Variants in SV2C observed in about 807,000 individuals in gnomAD.
SV2C encodes the protein solute carrier family 22 member B3.
SV2C carries 49 observed loss-of-function variants against 79.7 expected under a neutral mutation model. That is an observed-to-expected ratio of 0.61 (90% confidence interval 0.49 to 0.78). The LOEUF is 0.78. Ranked by LOEUF, SV2C falls within the 30% of genes least tolerant of loss-of-function variation. The probability of loss-of-function intolerance (pLI) is 0.00; values close to 1 mark genes in which losing one functional copy is unlikely to be tolerated. For synonymous variants in SV2C, 334 were observed against 333.2 expected, an observed-to-expected ratio of 1.00 and a Z score of -0.03; for missense variants, 833 against 912.9, an observed-to-expected ratio of 0.91 and a Z score of 1.13.
intron 1 of SV2C, among the ~76,000 whole-genome samples, chr5:76,093,455 T>C (rs1747444589): frequency 6.6e-6 from 1 of 152,202 alleles, no homozygotes; most frequent in Non-Finnish European, 1.5e-5. Context: ...ATTGCACACT[T>C]AGCCATTGGC....
intron 12 of SV2C, among the ~76,000 whole-genome samples, chr5:76,346,831 C>CCTT (rs949805781): frequency 1.3e-5 from 2 of 152,206 alleles, no homozygotes; most frequent in African/African-American, 4.8e-5. Flanking sequence ...CTGGCGCCTC[C>CCTT]CTTCCCACCA....
intron 1 of SV2C, among the ~76,000 whole-genome samples, chr5:76,118,613 G>A (rs57087456): frequency 0.046 from 7,068 of 152,052 alleles, 542 homozygotes; most frequent in African/African-American, 0.16. Context: ...AAGGAAATAG[G>A]GGCTTTTCTA....
At chr5:75,941,183 A>T in the SV2C span, among the ~76,000 whole-genome samples, 1 of 152,198 alleles carries the variant, frequency 6.6e-6, no homozygotes, top group African/African-American at 2.4e-5. Context: ...GAAAAAATAA[A>T]GAAAAAAGAA....
the SV2C span, among the ~76,000 whole-genome samples, chr5:76,000,213 T>A: frequency 3.3e-5 from 5 of 152,124 alleles, no homozygotes; most frequent in African/African-American, 1.2e-4. Flanking sequence ...TTTGAGACAT[T>A]TAACTTCAAC....
chr5:76,157,828 G>T (rs1358547379), intron 2 of SV2C, among the ~76,000 whole-genome samples: 1 of 151,662 alleles, frequency 6.6e-6, no homozygotes, highest in African/African-American at 2.4e-5. Flanking sequence ...GTTATATAAT[G>T]TAATAATTAA....
At chr5:75,880,154 G>A in the SV2C span, among the ~76,000 whole-genome samples, 1 of 151,536 alleles carries the variant, frequency 6.6e-6, no homozygotes, top group Non-Finnish European at 1.5e-5. Flanking sequence ...GGGAGGGGCT[G>A]CCTCAGAGAT....
the SV2C span, among the ~76,000 whole-genome samples, chr5:76,009,429 C>A: frequency 6.6e-6 from 1 of 152,120 alleles, no homozygotes; most frequent in Non-Finnish European, 1.5e-5. Context: ...CAGAAGAAAA[C>A]AAATAGTTCT....
At chr5:76,222,205 G>A (rs907241829) in intron 4 of SV2C, among the ~76,000 whole-genome samples, 3 of 152,256 alleles carry the variant, frequency 2.0e-5, no homozygotes, top group Admixed American at 6.5e-5. Context: ...ACACAAAAGC[G>A]TATGCATGGT....
At chr5:76,169,272 A>G (rs1376733922) in intron 2 of SV2C, among the ~76,000 whole-genome samples, 1 of 152,192 alleles carries the variant, frequency 6.6e-6, no homozygotes, top group Non-Finnish European at 1.5e-5. Context: ...TCCAATTTCC[A>G]GAATCACTGT....
intron 2 of SV2C, among the ~76,000 whole-genome samples, chr5:76,168,315 G>C (rs1041839774): frequency 1.3e-5 from 2 of 152,062 alleles, no homozygotes; most frequent in Non-Finnish European, 2.9e-5. Flanking sequence ...TCTAATGCTC[G>C]CTACTTTAGC....
intron 4 of SV2C, among the ~76,000 whole-genome samples, chr5:76,244,603 T>C (rs1475345818): frequency 6.6e-6 from 1 of 152,246 alleles, no homozygotes; most frequent in Non-Finnish European, 1.5e-5. Context: ...TTAAATCTGG[T>C]ATGTAGTTTA....
the SV2C span, among the ~76,000 whole-genome samples, chr5:75,916,667 GT>G: frequency 6.6e-6 from 1 of 152,114 alleles, no homozygotes; most frequent in Admixed American, 6.5e-5. Context: ...TAGAGACGGG[GT>G]TTCACCATGC....
At chr5:76,288,728 A>G (rs916649424) in intron 6 of SV2C, among the ~76,000 whole-genome samples, 1 of 152,180 alleles carries the variant, frequency 6.6e-6, no homozygotes, top group African/African-American at 2.4e-5. Context: ...AGATGGATAT[A>G]CTCCAAAAGT....
the SV2C span, among the ~76,000 whole-genome samples, chr5:75,880,261 C>T: frequency 6.6e-6 from 1 of 151,862 alleles, no homozygotes; most frequent in Non-Finnish European, 1.5e-5. Flanking sequence ...TACCAAGATA[C>T]ATTTGGATTC....
At chr5:76,028,079 G>A in the SV2C span, among the ~76,000 whole-genome samples, 1 of 152,086 alleles carries the variant, frequency 6.6e-6, no homozygotes, top group Non-Finnish European at 1.5e-5. Flanking sequence ...GGGCGCCTTG[G>A]ACTCCCTGAA....
At chr5:75,860,668 C>G in the SV2C span, among the ~76,000 whole-genome samples, 2 of 152,188 alleles carry the variant, frequency 1.3e-5, no homozygotes, top group African/African-American at 4.8e-5. Flanking sequence ...CTGGAGGGAT[C>G]ACATTACCTA....
In SV2C at chr5:76,332,819, G is replaced by A. The variant is rs561514566; in HGVS notation, c.*7272G>A. On this transcript the variant is annotated 3_prime_UTR_variant, in exon 13 of 13. Coordinates refer to ENST00000502798, the MANE Select transcript of SV2C (RefSeq NM_014979.4). Reference sequence around the variant, plus strand: ...CATCTAAAGCCCTAAAGAATGCTTGGCCTCCCACTGCATAGACACAGGCCA... The same window carrying A: ...CATCTAAAGCCCTAAAGAATGCTTGACCTCCCACTGCATAGACACAGGCCA... 2.8e-4 allele frequency: 43 copies of A among 152,250 alleles called. No individual in the cohort carries two copies. The highest frequency in any genetic ancestry group is 7.2e-4 in the African/African-American group (30 of 41,548). The allele number at this position is 152,250 out of a possible 1,614,324, so 9.4% of individuals were successfully genotyped here.
At chr5:75,875,287 A>G in the SV2C span, among the ~76,000 whole-genome samples, 981 of 152,268 alleles carry the variant, frequency 6.4e-3, 5 homozygotes, top group Non-Finnish European at 9.5e-3. Context: ...CATATCTATG[A>G]CCATCTGATC....
At chr5:75,940,561 A>G in the SV2C span, among the ~76,000 whole-genome samples, 1 of 152,148 alleles carries the variant, frequency 6.6e-6, no homozygotes, top group African/African-American at 2.4e-5. Context: ...CAATTCACAA[A>G]GACTCTAATA....
Sources: allele counts gnomAD v4.1 joint callset (sites outside exome capture counted in the v4.1 genomes callset), GRCh38; gene constraint gnomAD v4.1.1; transcripts MANE v1.5; gene names NCBI Gene and HGNC (gene_info 2026-07-23, HGNC 2026-07-21).